The following LINGO2 variants were observed in gnomAD, a reference collection of about 807,000 sequenced individuals.
The protein encoded by LINGO2 is leucine rich repeat and Ig domain containing 2, also known as leucine-rich repeat and immunoglobulin-like domain-containing nogo receptor-interacting protein 2.
A neutral mutation model predicts 30.6 loss-of-function variants in LINGO2; 14 were observed. That is an observed-to-expected ratio of 0.46 (90% CI 0.30 to 0.72). The LOEUF (loss-of-function observed/expected upper bound fraction) is 0.72, where lower values mean the gene tolerates loss of function less well. Among genes scored for constraint, LINGO2 ranks in the 30% least tolerant of loss-of-function variants. The pLI, the probability that LINGO2 is intolerant of heterozygous loss-of-function variation, is 0.07. For synonymous variants in LINGO2, 317 were observed against 288.5 expected, an observed-to-expected ratio of 1.10 and a Z score of -1.00; for missense variants, 729 against 751.7, an observed-to-expected ratio of 0.97 and a Z score of 0.35.
the LINGO2 span, among the ~76,000 whole-genome samples, chr9:28,758,070 C>A: frequency 6.6e-6 from 1 of 151,960 alleles, no homozygotes; most frequent in Non-Finnish European, 1.5e-5. Flanking sequence ...TGCTTAGAAG[C>A]ATGTATCTCC....
At chr9:28,375,763 C>T (rs561743597) in intron 2 of LINGO2, among the ~76,000 whole-genome samples, 28 of 152,250 alleles carry the variant, frequency 1.8e-4, no homozygotes, top group African/African-American at 6.7e-4. Flanking sequence ...CAGTCTTAAA[C>T]GGGAAATTTG....
chr9:28,829,846 T>C, the LINGO2 span, among the ~76,000 whole-genome samples: 6 of 151,890 alleles, frequency 4.0e-5, no homozygotes, highest in Non-Finnish European at 8.8e-5. Context: ...GCCAAGATCA[T>C]GCCACTGCAC....
the LINGO2 span, among the ~76,000 whole-genome samples, chr9:29,206,837 A>G: frequency 6.6e-6 from 1 of 152,188 alleles, no homozygotes; most frequent in African/African-American, 2.4e-5. Flanking sequence ...TTTATCAACA[A>G]TAAATATTTG....
At chr9:28,558,239 G>A (rs117675014) in intron 1 of LINGO2, among the ~76,000 whole-genome samples, 11 of 151,152 alleles carry the variant, frequency 7.3e-5, no homozygotes, top group Middle Eastern at 3.2e-3. Context: ...TTCTACTTAA[G>A]GGTTTTCTGC....
intron 4 of LINGO2, among the ~76,000 whole-genome samples, chr9:28,272,373 CCTT>C (rs1368376144): frequency 6.6e-6 from 1 of 151,794 alleles, no homozygotes; most frequent in Non-Finnish European, 1.5e-5. Flanking sequence ...TTCTCTTGTT[CCTT>C]CTTCTCCTTG....
At chr9:28,774,506 GA>G in the LINGO2 span, among the ~76,000 whole-genome samples, 5 of 151,902 alleles carry the variant, frequency 3.3e-5, no homozygotes, top group African/African-American at 1.2e-4. Flanking sequence ...ACACATTATA[GA>G]AAAATGTGAT....
At chr9:29,101,423 C>A in the LINGO2 span, among the ~76,000 whole-genome samples, 1 of 152,152 alleles carries the variant, frequency 6.6e-6, no homozygotes, top group African/African-American at 2.4e-5. Context: ...AATTATTCAA[C>A]AAAATTGTCA....
intron 5 of LINGO2, among the ~76,000 whole-genome samples, chr9:27,977,931 T>C (rs532928933): frequency 6.6e-6 from 1 of 152,176 alleles, no homozygotes; most frequent in African/African-American, 2.4e-5. Flanking sequence ...GCAAGCCGTT[T>C]GTCCCAGATT....
At chr9:28,332,238 A>T (rs943217149) in intron 3 of LINGO2, among the ~76,000 whole-genome samples, 1 of 151,996 alleles carries the variant, frequency 6.6e-6, no homozygotes, top group Non-Finnish European at 1.5e-5. Flanking sequence ...TGAAAAGTAG[A>T]TAGTAGGCCT....
intron 2 of LINGO2, among the ~76,000 whole-genome samples, chr9:28,425,988 A>G (rs971951293): frequency 3.9e-5 from 6 of 152,082 alleles, no homozygotes; most frequent in East Asian, 1.9e-4. Flanking sequence ...AAATTCATCT[A>G]TAACTATAAT....
intron 4 of LINGO2, among the ~76,000 whole-genome samples, chr9:28,123,422 C>T (rs1266014148): frequency 1.3e-5 from 2 of 152,060 alleles, no homozygotes; most frequent in East Asian, 3.9e-4. Flanking sequence ...TGTTTCTTTC[C>T]TTTTCTCTCA....
chr9:29,006,180 C>A, the LINGO2 span, among the ~76,000 whole-genome samples: 1 of 151,610 alleles, frequency 6.6e-6, no homozygotes, highest in Admixed American at 6.6e-5. Context: ...TACATAATTA[C>A]ACACAAACAT....
chr9:28,682,543 T>A, the LINGO2 span, among the ~76,000 whole-genome samples: 1 of 152,260 alleles, frequency 6.6e-6, no homozygotes, highest in Admixed American at 6.5e-5. Flanking sequence ...TAAGACTTTT[T>A]TATATCATTT....
At chr9:28,449,016 C>T (rs1436738324) in intron 2 of LINGO2, among the ~76,000 whole-genome samples, 4 of 138,572 alleles carry the variant, frequency 2.9e-5, no homozygotes, top group African/African-American at 1.1e-4. Context: ...ATCCATTCTG[C>T]CTATGTATTC....
At chr9:28,029,246 G>A (rs1823540915) in intron 4 of LINGO2, among the ~76,000 whole-genome samples, 1 of 152,076 alleles carries the variant, frequency 6.6e-6, no homozygotes, top group South Asian at 2.1e-4. Context: ...TATCACTAGA[G>A]GCTAGTATAA....
the LINGO2 span, among the ~76,000 whole-genome samples, chr9:29,035,553 C>A: frequency 1.1e-5 from 1 of 87,092 alleles, no homozygotes; most frequent in Middle Eastern, 6.1e-3. Context: ...AAGGTACATT[C>A]CTTCTTCCAG....
the LINGO2 span, among the ~76,000 whole-genome samples, chr9:28,845,310 G>C: frequency 1.3e-5 from 2 of 151,800 alleles, no homozygotes; most frequent in African/African-American, 4.9e-5. Context: ...TCTTAATAAA[G>C]TCTCTGAATA....
chr9:28,819,217 C>G, the LINGO2 span, among the ~76,000 whole-genome samples: 1 of 152,098 alleles, frequency 6.6e-6, no homozygotes, highest in Admixed American at 6.5e-5. Flanking sequence ...ATATACTTGT[C>G]AACCTCCTCG....
chr9:28,828,716 T>A, the LINGO2 span, among the ~76,000 whole-genome samples: 1 of 152,066 alleles, frequency 6.6e-6, no homozygotes, highest in Non-Finnish European at 1.5e-5. Context: ...TGAGAGGTAA[T>A]CTAGAGGAAG....
Sources: gnomAD v4.1 joint callset for allele counts (sites outside exome capture counted in the v4.1 genomes callset) on GRCh38, gnomAD v4.1.1 for gene constraint, MANE v1.5 for transcripts, NCBI Gene and HGNC (gene_info 2026-07-23, HGNC 2026-07-21) for gene names.